SAXO1: variants seen among roughly 807,000 people sequenced by gnomAD.
The protein encoded by SAXO1 is stabilizer of axonemal microtubules 1.
Under a neutral mutation model 17.5 loss-of-function variants are expected in SAXO1, and 21 were observed. The observed-to-expected ratio is 1.20, with a 90% CI of 0.85 to 1.72. The LOEUF is 1.72. Ranked by LOEUF, SAXO1 falls within the 40% of genes most tolerant of loss-of-function variation. The pLI is 0.00. For synonymous variants in SAXO1, 274 were observed against 216.5 expected (o/e 1.27, Z -2.33); for missense variants, 843 against 596.0 (o/e 1.41, Z -4.32).
At chr9:18,972,181 A>G (rs963697582) in intron 1 of SAXO1, among the ~76,000 whole-genome samples, 65 of 152,250 alleles carry the variant, frequency 4.3e-4, no homozygotes, top group African/African-American at 1.5e-3. Flanking sequence ...ACAGGCAGAT[A>G]TACACATACA....
At chr9:18,987,897 A>AG (rs2131834644) in intron 1 of SAXO1, among the ~76,000 whole-genome samples, 1 of 38,532 alleles carries the variant, frequency 2.6e-5, no homozygotes, top group Non-Finnish European at 1.1e-4. Context: ...ACCCTGTCTC[A>AG]AAAAAAAAAA....
rs543247613 is a variant in SAXO1 at position 18,960,748 on chromosome 9, T to C, written c.39-9811A>G. Among the ~76,000 whole-genome samples the C allele has an allele frequency of 2.0e-5, 3 of 151,926 alleles. No individual in the cohort carries two copies. In the South Asian group the frequency reaches 6.2e-4, roughly 32 times the overall value. On this transcript the variant is annotated intron_variant, in intron 1 of 3. Transcript: ENST00000380534. The stretch of plus-strand genomic sequence containing the variant: ...GTGAGCTGTGTTCGGCCCCCTGCAC[T>C]CCAGCCAGGACAACAGAGCAAGACC...
At chr9:19,025,303 A>G (rs115980109) in intron 1 of SAXO1, among the ~76,000 whole-genome samples, 1,897 of 152,256 alleles carry the variant, frequency 0.012, 35 homozygotes, top group African/African-American at 0.044. Flanking sequence ...TATGAAGTCA[A>G]TTTTATTTAA....
At chr9:18,960,926 G>A (rs970808023) in intron 1 of SAXO1, among the ~76,000 whole-genome samples, 1 of 152,162 alleles carries the variant, frequency 6.6e-6, no homozygotes, top group South Asian at 2.1e-4. Context: ...AGAGAGTGAG[G>A]GTGAAGGGGC....
intron 1 of SAXO1, among the ~76,000 whole-genome samples, chr9:19,016,982 G>T (rs1025984396): frequency 6.6e-6 from 1 of 151,802 alleles, no homozygotes; most frequent in African/African-American, 2.4e-5. Context: ...ACCAAGGCCT[G>T]GTCAATCAGA....
Position 18,972,878 on chromosome 9 carries a change from G to A in SAXO1, c.39-21941C>T, listed in dbSNP as rs372855772. Among the ~76,000 whole-genome samples, 5 of 152,150 alleles carry A rather than the reference G, an allele frequency of 3.3e-5. No individual in the cohort carries two copies. In the South Asian group the frequency reaches 6.2e-4, roughly 19 times the overall value. On this transcript the variant is annotated intron_variant, in intron 1 of 3. Transcript: ENST00000380534. ...TAAGGCCATGGCCATTTCCAACCCA[G>A]AGTACACATGGGGAGGCAAAGTCCA...
intron 1 of SAXO1, among the ~76,000 whole-genome samples, chr9:18,986,656 C>G (rs1359243285): frequency 1.3e-5 from 2 of 151,742 alleles, no homozygotes; most frequent in African/African-American, 4.9e-5. Flanking sequence ...TCTACAAAGA[C>G]TGAAAGAAAA....
chr9:18,942,367 C>G (rs1831601975), intron 2 of SAXO1, among the ~76,000 whole-genome samples: 1 of 152,170 alleles, frequency 6.6e-6, no homozygotes, highest in Non-Finnish European at 1.5e-5. Flanking sequence ...CCCACCCCAC[C>G]TGAAAACCCT....
intron 1 of SAXO1, among the ~76,000 whole-genome samples, chr9:19,041,644 C>A (rs1836082834): frequency 6.6e-6 from 1 of 152,120 alleles, no homozygotes; most frequent in African/African-American, 2.4e-5. Context: ...CAAATCTATA[C>A]ATCAAAAGTT....
intron 1 of SAXO1, among the ~76,000 whole-genome samples, chr9:18,988,694 T>C (rs955635462): frequency 6.6e-6 from 1 of 152,224 alleles, no homozygotes; most frequent in Non-Finnish European, 1.5e-5. Context: ...TATAATGCTA[T>C]TATTTTAAAT....
At chr9:19,046,789 C>T (rs1409662060) in intron 1 of SAXO1, among the ~76,000 whole-genome samples, 2 of 152,042 alleles carry the variant, frequency 1.3e-5, no homozygotes, top group Non-Finnish European at 2.9e-5. Flanking sequence ...TCCCTTGAGC[C>T]GAGGAGGTGG....
intron 2 of SAXO1, among the ~76,000 whole-genome samples, chr9:18,942,604 G>C (rs558582586): frequency 6.6e-5 from 10 of 152,196 alleles, no homozygotes; most frequent in Admixed American, 3.3e-4. Context: ...TCATTTCTCT[G>C]CTATCTGGTG....
At chr9:18,979,735 G>T (rs929039191) in intron 1 of SAXO1, among the ~76,000 whole-genome samples, 2 of 152,208 alleles carry the variant, frequency 1.3e-5, no homozygotes, top group African/African-American at 4.8e-5. Flanking sequence ...CATCTACTAG[G>T]GAGACAGAGG....
intron 1 of SAXO1, among the ~76,000 whole-genome samples, chr9:18,966,302 G>A (rs185143380): frequency 5.3e-4 from 80 of 152,282 alleles, no homozygotes; most frequent in African/African-American, 1.9e-3. Flanking sequence ...CCAGGTTGGG[G>A]AAGTTCCCCT....
rs779173162 is a variant in SAXO1, at chr9:18,967,470, G to A, written c.39-16533C>T. ...CAGAGAGGAGGAATCTAGAGAGGCT[G>A]TCTGGCTACAGTGGCTTTGCCACAC... On this transcript the variant is annotated intron_variant, in intron 1 of 3. Coordinates refer to ENST00000380534, the MANE Select transcript of SAXO1 (RefSeq NM_153707.4). Among the ~76,000 whole-genome samples the A allele has an allele frequency of 2.0e-5, 3 of 152,222 alleles. No individual in the cohort carries two copies. In the South Asian group the frequency reaches 6.2e-4, roughly 32 times the overall value.
chr9:18,973,685 G>C (rs1421442241), intron 1 of SAXO1, among the ~76,000 whole-genome samples: 3 of 152,146 alleles, frequency 2.0e-5, no homozygotes, highest in Admixed American at 6.5e-5. Context: ...TGGTATCCCT[G>C]GTATCTGATC....
intron 1 of SAXO1, among the ~76,000 whole-genome samples, chr9:18,984,557 G>T (rs1833522074): frequency 6.6e-6 from 1 of 152,174 alleles, no homozygotes; most frequent in Non-Finnish European, 1.5e-5. Flanking sequence ...TGTAAAGAAG[G>T]CTTCTTTCCT....
intron 1 of SAXO1, among the ~76,000 whole-genome samples, chr9:18,973,974 G>A (rs995244614): frequency 3.9e-5 from 6 of 152,158 alleles, no homozygotes; most frequent in Admixed American, 6.6e-5. Flanking sequence ...TGCCTTAAAG[G>A]AACTGATCTA....
At chr9:19,024,633 G>C (rs1211060738) in intron 1 of SAXO1, among the ~76,000 whole-genome samples, 23 of 152,002 alleles carry the variant, frequency 1.5e-4, no homozygotes, top group Admixed American at 1.5e-3. Context: ...GCCAGCATTT[G>C]AAACCAGGCA....
Sources: allele counts gnomAD v4.1 joint callset (sites outside exome capture counted in the v4.1 genomes callset), GRCh38; gene constraint gnomAD v4.1.1; transcripts MANE v1.5; gene names NCBI Gene and HGNC (gene_info 2026-07-23, HGNC 2026-07-21).